TLN2: variants seen among roughly 807,000 people sequenced by gnomAD.
The protein encoded by TLN2 is talin-2.
In TLN2, 118 loss-of-function variants were observed where a neutral mutation model predicts 294.7. The ratio of observed to expected loss-of-function variants is 0.40; its 90% CI spans 0.34 to 0.47. TLN2 has a LOEUF of 0.47. TLN2 is among the 20% of genes least tolerant of loss of function. TLN2 has a pLI of 0.84. For synonymous variants in TLN2, 1,431 were observed against 1,304.5 expected (o/e 1.10, Z -2.09); for missense variants, 3,083 against 3,282.2 (o/e 0.94, Z 1.48).
intron 53 of TLN2, among the ~76,000 whole-genome samples, chr15:62,820,088 GTCC>G (rs1276153866): frequency 2.6e-5 from 4 of 152,242 alleles, no homozygotes; most frequent in Admixed American, 2.0e-4. Flanking sequence ...TGAGGGGTCA[GTCC>G]TCCTGGGTTC....
chr15:62,779,187 A>G (rs1224469732), intron 43 of TLN2, among the ~76,000 whole-genome samples: 1 of 152,130 alleles, frequency 6.6e-6, no homozygotes, highest in Non-Finnish European at 1.5e-5. Context: ...TCTCAGCACT[A>G]GGAGGTTTGG....
At chr15:62,461,101 AC>A (rs1438340132) in intron 1 of TLN2, among the ~76,000 whole-genome samples, 1 of 152,068 alleles carries the variant, frequency 6.6e-6, no homozygotes, top group Non-Finnish European at 1.5e-5. Flanking sequence ...GGCACACGCT[AC>A]CATGCCCGGC....
At chr15:62,819,747 TGA>T (rs2067406552) in intron 53 of TLN2, 126 bp downstream of exon 53, 1 of 755,742 alleles carries the variant, frequency 1.3e-6, no homozygotes, top group African/African-American at 1.8e-5. Context: ...AGGAATACAG[TGA>T]GGACTTTCTG....
Position 62,796,098 on chromosome 15 carries a change from C to G in TLN2, c.5884-29C>G, listed in dbSNP as rs1275829884. On this transcript the variant is annotated intron_variant, in intron 46 of 58. Transcript: ENST00000636159. ...AGGTCCTGTTCTCTCCATTTCTTAG[C>G]TCCCCTCACATTCCCTTTCTGCCTA... 4 of 1,608,344 alleles carry G rather than the reference C, an allele frequency of 2.5e-6. No homozygotes were observed. The Admixed American group carries it at 5.1e-5, about 21-fold the overall frequency.
intron 1 of TLN2, among the ~76,000 whole-genome samples, chr15:62,555,946 T>C (rs2042579964): frequency 6.6e-6 from 1 of 151,416 alleles, no homozygotes; most frequent in South Asian, 2.1e-4. Flanking sequence ...TTTTTTTTTT[T>C]TTTTTGGTCA....
intron 1 of TLN2, among the ~76,000 whole-genome samples, chr15:62,500,878 A>G (rs1039856816): frequency 1.3e-5 from 2 of 152,240 alleles, no homozygotes; most frequent in Non-Finnish European, 2.9e-5. Flanking sequence ...CAATTCTCCC[A>G]GGCTGCTCTT....
chr15:62,766,343 CGG>C lies in TLN2; in HGVS notation c.5118_5119del (p.Val1707GlyfsTer25). ...CAGGCCCTGCAGGAGCAGCTGACTT[CGG>C]TGGTCCAGGAAATCGGACACCTTAT... On this transcript the variant is annotated frameshift_variant, in exon 41 of 59. Transcript: ENST00000636159. LOFTEE classifies it high-confidence loss of function. 1 of 1,613,076 alleles carries C rather than the reference CGG, an allele frequency of 6.2e-7. No homozygotes were observed. Among genetic ancestry groups the C allele is most frequent in the South Asian group, 1.1e-5 (1 of 91,040 alleles).
At chr15:62,492,251 A>G (rs2038776865) in intron 1 of TLN2, among the ~76,000 whole-genome samples, 1 of 151,944 alleles carries the variant, frequency 6.6e-6, no homozygotes, top group Non-Finnish European at 1.5e-5. Flanking sequence ...GGAGATCAAG[A>G]CCATCCTGGC....
intron 9 of TLN2, among the ~76,000 whole-genome samples, chr15:62,673,082 G>GTGTGTGTGTGTGTGTC (rs1337638092): frequency 6.6e-5 from 10 of 151,326 alleles, no homozygotes; most frequent in African/African-American, 2.4e-4. Context: ...TTGTGTGTGT[G>GTGTGTGTGTGTGTGTC]TGTGTGTGTG....
intron 3 of TLN2, among the ~76,000 whole-genome samples, chr15:62,631,576 C>CCTTTCCTT (rs2049871416): frequency 7.7e-6 from 1 of 130,418 alleles, no homozygotes; most frequent in Non-Finnish European, 1.6e-5. Flanking sequence ...CCTTTCCTTT[C>CCTTTCCTT]TTTCTCTCTC....
chr15:62,730,457 C>A (rs1450433408), intron 28 of TLN2, among the ~76,000 whole-genome samples: 1 of 152,126 alleles, frequency 6.6e-6, no homozygotes, highest in East Asian at 1.9e-4. Flanking sequence ...CCCTTCGTTC[C>A]TTCTGCGTCT....
At chr15:62,605,611 C>G (rs2047366658) in intron 2 of TLN2, among the ~76,000 whole-genome samples, 1 of 149,580 alleles carries the variant, frequency 6.7e-6, no homozygotes, top group South Asian at 2.3e-4. Flanking sequence ...AATTGAGAAT[C>G]CGGTACTTGA....
At chr15:62,837,816 C>T (rs1481528062) in intron 57 of TLN2, among the ~76,000 whole-genome samples, 1 of 152,160 alleles carries the variant, frequency 6.6e-6, no homozygotes, top group Non-Finnish European at 1.5e-5. Flanking sequence ...CTGTGCAAGC[C>T]CTCATAGTTT....
intron 1 of TLN2, among the ~76,000 whole-genome samples, chr15:62,462,595 G>C (rs900222178): frequency 1.3e-5 from 2 of 152,228 alleles, no homozygotes; most frequent in African/African-American, 4.8e-5. Flanking sequence ...AGGGAAGTCT[G>C]GTTAGCCAGA....
chr15:62,457,326 CTCA>C (rs1352675511), intron 1 of TLN2, among the ~76,000 whole-genome samples: 1 of 152,182 alleles, frequency 6.6e-6, no homozygotes, highest in African/African-American at 2.4e-5. Context: ...GGGCACTAAC[CTCA>C]TCATGAAGGC....
At position 62,763,544 on chromosome 15, in the gene TLN2, C is replaced by T. The variant is rs1409395769; in HGVS notation, c.4962-19C>T. On this transcript the variant is annotated intron_variant, in intron 39 of 58. Transcript: ENST00000636159. ...TGAGCCCCATGGAGCCTGTGTCCAA[C>T]TTGCACTATTCCTTCCAGGGACAAG... 6.3e-7 allele frequency: 1 copy of T among 1,592,684 alleles called. No homozygotes were observed. The highest frequency in any genetic ancestry group is 2.3e-5 in the East Asian group (1 of 44,276).
At chr15:62,782,529 TAAG>T (rs2064268156) in intron 44 of TLN2, among the ~76,000 whole-genome samples, 1 of 152,188 alleles carries the variant, frequency 6.6e-6, no homozygotes, top group Non-Finnish European at 1.5e-5. Flanking sequence ...TCCATGAGCT[TAAG>T]GAGCTGAGCC....
intron 1 of TLN2, among the ~76,000 whole-genome samples, chr15:62,493,081 C>T (rs1022874009): frequency 1.4e-4 from 22 of 152,074 alleles, no homozygotes; most frequent in African/African-American, 4.3e-4. Flanking sequence ...GGTGCTTGGT[C>T]GGATGTTCAT....
chr15:62,712,453 G>T (rs1001430287), intron 22 of TLN2, among the ~76,000 whole-genome samples: 1 of 152,122 alleles, frequency 6.6e-6, no homozygotes, highest in Non-Finnish European at 1.5e-5. Context: ...CCCTCCATTT[G>T]ACTTCTCAAC....
Sources: gnomAD v4.1 joint callset for allele counts (sites outside exome capture counted in the v4.1 genomes callset) on GRCh38, gnomAD v4.1.1 for gene constraint, MANE v1.5 for transcripts, NCBI Gene and HGNC (gene_info 2026-07-23, HGNC 2026-07-21) for gene names.